The following WWC2 variants were observed in gnomAD, a reference collection of about 807,000 sequenced individuals.
WWC2 encodes WW and C2 domain containing 2, also known as protein WWC2.
In WWC2, 101 loss-of-function variants were observed where a neutral mutation model predicts 138.5. The ratio of observed to expected loss-of-function variants is 0.73; its 90% CI spans 0.62 to 0.86. WWC2 has a LOEUF of 0.86. Ranked by LOEUF, WWC2 falls within the 40% of genes least tolerant of loss-of-function variation. The pLI is 0.00. For missense variants in WWC2, 1,420 were observed against 1,419.4 expected (o/e 1.00, Z -0.01); for synonymous variants, 558 against 538.4 (o/e 1.04, Z -0.50).
intron 5 of WWC2, among the ~76,000 whole-genome samples, chr4:183,244,845 G>T (rs1393700036): frequency 6.6e-6 from 1 of 152,018 alleles, no homozygotes; most frequent in African/African-American, 2.4e-5. Context: ...ACTTGATAAG[G>T]TTTGGGTTCA....
chr4:183,254,051 A>T, intron 9 of WWC2, 52 bp downstream of exon 9: 1 of 1,579,016 alleles, frequency 6.3e-7, no homozygotes, highest in Non-Finnish European at 8.6e-7. Context: ...GGGGTGTCTT[A>T]ACTGGATACT....
At chr4:183,158,252 C>T (rs918353667) in intron 1 of WWC2, among the ~76,000 whole-genome samples, 21 of 152,082 alleles carry the variant, frequency 1.4e-4, no homozygotes, top group Admixed American at 4.6e-4. Flanking sequence ...CAATAAAAAC[C>T]ACAGCGCTTG....
At chr4:183,160,411 T>C (rs1314795250) in intron 1 of WWC2, among the ~76,000 whole-genome samples, 1 of 152,238 alleles carries the variant, frequency 6.6e-6, no homozygotes, top group Non-Finnish European at 1.5e-5. Context: ...TCTGAAAATA[T>C]TGATAGCAAA....
chr4:183,160,937 A>G (rs986999655), intron 1 of WWC2, among the ~76,000 whole-genome samples: 2 of 152,180 alleles, frequency 1.3e-5, no homozygotes, highest in African/African-American at 4.8e-5. Context: ...ATCGAGAAGT[A>G]GCTTTAAGGA....
chr4:183,271,071 C>T lies in WWC2; in HGVS notation c.2401-9C>T, dbSNP rs1394153931. 2 of 1,515,602 alleles carry T rather than the reference C, an allele frequency of 1.3e-6. No homozygotes were observed. Among genetic ancestry groups the T allele is most frequent in the South Asian group, 2.7e-5 (2 of 72,920 alleles). The allele number at this position is 1,515,602 out of a possible 1,614,324, so 93.9% of individuals were successfully genotyped here. A position where few individuals can be genotyped will look rare whatever the true frequency, so the allele number is the denominator to read the frequency against. On this transcript the variant is annotated splice_polypyrimidine_tract_variant and intron_variant, in intron 15 of 22. Transcript: ENST00000403733. ...ATTTTTTTTTCTTTGTTTTCTTTCA[C>T]TTACATAGGCTGGAACTCAGATCAG...
chr4:183,277,204 C>A (rs1237151371), intron 16 of WWC2, among the ~76,000 whole-genome samples: 1 of 145,378 alleles, frequency 6.9e-6, no homozygotes, highest in Non-Finnish European at 1.5e-5. Flanking sequence ...TTGTTCAATT[C>A]CCACCTATGA....
At chr4:183,311,320 A>G (rs1339603629) in intron 21 of WWC2, among the ~76,000 whole-genome samples, 1 of 152,244 alleles carries the variant, frequency 6.6e-6, no homozygotes, top group African/African-American at 2.4e-5. Context: ...GCAGTGAGGA[A>G]AGTGAGTTAC....
chr4:183,293,421 G>C (rs1035069552), intron 21 of WWC2, among the ~76,000 whole-genome samples: 7 of 152,316 alleles, frequency 4.6e-5, no homozygotes, highest in Non-Finnish European at 1.0e-4. Context: ...AAAGTATTGA[G>C]AAAAGTCAGT....
In WWC2 at chr4:183,157,024, A is replaced by G. The variant is rs780753068; in HGVS notation, c.132-36575A>G. ...CAAAACAATAGCATTCACTTACCTG[A>G]TCACACTATAATGATCTATATATTT... On this transcript the variant is annotated intron_variant, in intron 1 of 22. Transcript: ENST00000403733. Among the ~76,000 whole-genome samples, 4 of 152,120 alleles carry G rather than the reference A, an allele frequency of 2.6e-5. No homozygotes were observed. In the East Asian group the frequency reaches 7.7e-4, roughly 29 times the overall value.
At chr4:183,154,002 C>CA (rs35002790) in intron 1 of WWC2, among the ~76,000 whole-genome samples, 78 of 71,652 alleles carry the variant, frequency 1.1e-3, no homozygotes, top group Middle Eastern at 0.012. Context: ...CTTTAAAAAG[C>CA]AAAAAAAAAA....
At chr4:183,259,378 C>T (rs539192255) in intron 9 of WWC2, among the ~76,000 whole-genome samples, 2 of 152,220 alleles carry the variant, frequency 1.3e-5, no homozygotes, top group East Asian at 3.9e-4. Flanking sequence ...ATTACTTACC[C>T]ATTTAAAAAG....
chr4:183,302,240 C>G (rs542143051), intron 21 of WWC2, among the ~76,000 whole-genome samples: 1 of 152,300 alleles, frequency 6.6e-6, no homozygotes, highest in Non-Finnish European at 1.5e-5. Context: ...AAGATCTTGT[C>G]TTTGTCGAGC....
chr4:183,133,292 C>T (rs903778461), intron 1 of WWC2, among the ~76,000 whole-genome samples: 1 of 151,482 alleles, frequency 6.6e-6, no homozygotes, highest in Non-Finnish European at 1.5e-5. Flanking sequence ...GAGGCTGGGA[C>T]TATAGGAGCA....
chr4:183,309,308 C>T lies in WWC2; in HGVS notation c.3385-3033C>T, dbSNP rs150141133. Reference sequence around the variant, plus strand: ...CAAGAAAAAGAGGAAACAAGCCACACGTTGGGAGAAATATTTGTAAAAGTT... The same window carrying T: ...CAAGAAAAAGAGGAAACAAGCCACATGTTGGGAGAAATATTTGTAAAAGTT... On this transcript the variant is annotated intron_variant, in intron 21 of 22. Coordinates refer to ENST00000403733, the MANE Select transcript of WWC2 (RefSeq NM_024949.6). 2.6e-3 allele frequency among the ~76,000 whole-genome samples: 392 copies of T among 152,258 alleles called. 2 individuals are homozygous for T. Among genetic ancestry groups the T allele is most frequent in the African/African-American group, 8.6e-3 (356 of 41,546 alleles).
At chr4:183,263,466 C>T (rs1049375400) in intron 11 of WWC2, among the ~76,000 whole-genome samples, 9 of 152,282 alleles carry the variant, frequency 5.9e-5, no homozygotes, top group South Asian at 2.1e-4. Flanking sequence ...ATCTCTGAAC[C>T]TTTGTGAAAC....
At chr4:183,255,947 A>C (rs1737121830) in intron 9 of WWC2, among the ~76,000 whole-genome samples, 1 of 150,302 alleles carries the variant, frequency 6.7e-6, no homozygotes, top group Admixed American at 6.6e-5. Context: ...TAGGAAGAGG[A>C]GCTATAAGAT....
intron 1 of WWC2, among the ~76,000 whole-genome samples, chr4:183,161,714 C>G (rs554141196): frequency 2.0e-5 from 3 of 152,258 alleles, no homozygotes; most frequent in Non-Finnish European, 1.5e-5. Context: ...TGTACAGTAT[C>G]ATGCTGTACA....
chr4:183,239,984 T>C (rs1257585056), intron 4 of WWC2, among the ~76,000 whole-genome samples, 199 bp from the exon 5 acceptor site: 1 of 152,222 alleles, frequency 6.6e-6, no homozygotes, highest in African/African-American at 2.4e-5. Flanking sequence ...GTAGTAATAA[T>C]ACACATCACT....
chr4:183,312,600 A>G lies in WWC2; in HGVS notation c.3512+132A>G, dbSNP rs961900567. ...GTCCTCTGTTCTCTACCTTGAATAT[A>G]TAATTTTCCATTTGCACCTGAGGTG... On this transcript the variant is annotated intron_variant, in intron 22 of 22. Transcript: ENST00000403733. The G allele has an allele frequency of 3.3e-5, 44 of 1,328,628 alleles. No individual in the cohort carries two copies. The East Asian group carries it at 6.8e-4, about 20-fold the overall frequency. The allele number at this position is 1,328,628 out of a possible 1,614,324, so 82.3% of individuals were successfully genotyped here. A position where few individuals can be genotyped will look rare whatever the true frequency, so the allele number is the denominator to read the frequency against.
Sources: allele counts gnomAD v4.1 joint callset (sites outside exome capture counted in the v4.1 genomes callset), GRCh38; gene constraint gnomAD v4.1.1; transcripts MANE v1.5; gene names NCBI Gene and HGNC (gene_info 2026-07-23, HGNC 2026-07-21).